TSEN15: variants seen among roughly 807,000 people sequenced by gnomAD.
TSEN15 encodes tRNA splicing endonuclease subunit 15, also known as tRNA-splicing endonuclease subunit Sen15.
TSEN15 carries 10 observed loss-of-function variants against 20.5 expected under a neutral mutation model. That is an observed-to-expected ratio of 0.49 (90% confidence interval 0.30 to 0.83). The LOEUF (loss-of-function observed/expected upper bound fraction) is 0.83. Ranked by LOEUF, TSEN15 falls within the 40% of genes least tolerant of loss-of-function variation. The pLI is 0.06. For synonymous variants in TSEN15, 72 were observed against 80.1 expected (o/e 0.90, Z 0.54); for missense variants, 180 against 218.6 (o/e 0.82, Z 1.11).
At chr1:184,093,153 G>A (rs1651389624) in intron 3 of TSEN15, among the ~76,000 whole-genome samples, 1 of 152,172 alleles carries the variant, frequency 6.6e-6, no homozygotes, top group Admixed American at 6.5e-5. Flanking sequence ...TTTTCTCAGA[G>A]TGGCAAGAGT....
downstream of TSEN15, among the ~76,000 whole-genome samples, chr1:184,078,552 C>CTA (rs1296439913): frequency 1.3e-5 from 2 of 152,056 alleles, no homozygotes; most frequent in African/African-American, 4.8e-5. Context: ...TCTGGAGTCT[C>CTA]TAATCAGTGT....
chr1:184,057,514 A>C (rs1650292102), intron 3 of TSEN15, among the ~76,000 whole-genome samples: 1 of 152,194 alleles, frequency 6.6e-6, no homozygotes, highest in African/African-American at 2.4e-5. Context: ...CCTGGGTTCT[A>C]GTCTTGGGAC....
chr1:184,080,510 C>T (rs1441453955), intron 3 of TSEN15, among the ~76,000 whole-genome samples: 1 of 152,042 alleles, frequency 6.6e-6, no homozygotes, highest in African/African-American at 2.4e-5. Flanking sequence ...ATTATTCAGT[C>T]CTGGAGGGAG....
chr1:184,070,213 C>G (rs1461849432), intron 3 of TSEN15, among the ~76,000 whole-genome samples: 5 of 151,768 alleles, frequency 3.3e-5, no homozygotes, highest in Non-Finnish European at 7.4e-5. Context: ...GCTACAATTC[C>G]CATATAGTTT....
At chr1:184,095,671 GTCTC>G in intron 3 of TSEN15, 1 of 391,358 alleles carries the variant, frequency 2.6e-6, no homozygotes, top group Non-Finnish European at 4.5e-6. Flanking sequence ...CTCTCTCTGT[GTCTC>G]TCTCTCTTTC....
chr1:184,093,661 C>T (rs1572724568), intron 3 of TSEN15: 1 of 152,116 alleles, frequency 6.6e-6, no homozygotes, highest in East Asian at 1.9e-4. Context: ...AAGATATTAA[C>T]AAAAAGCAGC....
At chr1:184,052,021 G>C in intron 1 of TSEN15, 131 bp downstream of exon 1, 1 of 1,005,698 alleles carries the variant, frequency 9.9e-7, no homozygotes, top group Non-Finnish European at 1.3e-6. Flanking sequence ...AGGGGGACCG[G>C]TGTGCACAAC....
chr1:184,072,327 A>C, intron 4 of TSEN15, 29 bp downstream of exon 4: 1 of 1,573,450 alleles, frequency 6.4e-7, no homozygotes, highest in South Asian at 1.2e-5. Context: ...GACAGCAAGA[A>C]GTACAAAAAG....
chr1:184,077,990 T>C (rs1029148669), downstream of TSEN15, among the ~76,000 whole-genome samples: 2 of 152,186 alleles, frequency 1.3e-5, no homozygotes, highest in Non-Finnish European at 2.9e-5. Context: ...TTTGAGAAGA[T>C]TGATTCCAAT....
At chr1:184,082,840 T>C (rs545408896) in intron 3 of TSEN15, among the ~76,000 whole-genome samples, 178 of 152,290 alleles carry the variant, frequency 1.2e-3, no homozygotes, top group African/African-American at 4.2e-3. Flanking sequence ...TTGCTCTTTT[T>C]GTTCTGTAGC....
rs1650183216 is a variant in TSEN15, at chr1:184,054,760, T to C, written c.250T>C (p.Leu84=). ...CTGGCATGAAGTAAACTGTGTAGGATTACCAGAACTCCAGCTCATCTGCCT... is the reference window on the plus strand; with the variant it reads ...CTGGCATGAAGTAAACTGTGTAGGACTACCAGAACTCCAGCTCATCTGCCT... The part of the protein sequence containing the change: ...KSWHEVNCVG[L]PELQLICLVG... The change falls in exon 3 of 5, where the codon TTA becomes CTA. Residue 84 remains leucine (L), a synonymous_variant. Coordinates refer to ENST00000645668, the MANE Select transcript of TSEN15 (RefSeq NM_052965.4). 4 of 1,612,238 alleles carry C rather than the reference T, an allele frequency of 2.5e-6. No homozygotes were observed. The highest frequency in any genetic ancestry group is 2.7e-5 in the African/African-American group (2 of 74,878).
chr1:184,058,935 G>T (rs1036564021), intron 3 of TSEN15, among the ~76,000 whole-genome samples: 12 of 151,816 alleles, frequency 7.9e-5, no homozygotes, highest in African/African-American at 2.9e-4. Flanking sequence ...TATGTGTCAG[G>T]CAATGATCTA....
chr1:184,086,651 A>G (rs554293602), intron 3 of TSEN15, among the ~76,000 whole-genome samples: 1 of 152,142 alleles, frequency 6.6e-6, no homozygotes, highest in East Asian at 1.9e-4. Flanking sequence ...CTTTCTTGCC[A>G]TGTGGATCTC....
Position 184,051,828 on chromosome 1 carries a change from G to T in TSEN15, c.73G>T (p.Gly25Cys). Residue 25 changes from glycine (G) to cysteine (C), a missense_variant, in exon 1 of 5, where the codon GGC becomes TGC. This residue lies in a region of TSEN15 where 76 missense variants were observed against 66.5 expected (regional missense o/e 1.14). Coordinates refer to ENST00000645668, the MANE Select transcript of TSEN15 (RefSeq NM_052965.4). ...GLGPGGVRGFGDGGGAPSWAP... is the reference protein window; with the variant it reads ...GLGPGGVRGFCDGGGAPSWAP... ...GGGTCCGGGCGGTGTTCGCGGCTTT[G>T]GCGACGGCGGTGGAGCTCCTTCGTG... The T allele has an allele frequency of 6.5e-7, 1 of 1,546,926 alleles. No individual in the cohort carries two copies. The highest frequency in any genetic ancestry group is 8.7e-7 in the Non-Finnish European group (1 of 1,146,234).
intron 1 of TSEN15, 142 bp downstream of exon 1, chr1:184,052,032 T>C: frequency 1.1e-6 from 1 of 898,870 alleles, no homozygotes; most frequent in African/African-American, 1.7e-5. Context: ...TGTGCACAAC[T>C]GCCAGCCTCA....
intron 4 of TSEN15, 24 bp downstream of exon 4, chr1:184,072,322 C>A: frequency 6.4e-7 from 1 of 1,570,986 alleles, no homozygotes; most frequent in Non-Finnish European, 8.6e-7. Context: ...TAACTGACAG[C>A]AAGAAGTACA....
intron 3 of TSEN15, among the ~76,000 whole-genome samples, chr1:184,060,798 A>G (rs1650425547): frequency 6.6e-6 from 1 of 152,212 alleles, no homozygotes; most frequent in African/African-American, 2.4e-5. Context: ...CCTCACAGCT[A>G]TTAGAGTTTC....
chr1:184,059,746 G>A (rs1650378716), intron 3 of TSEN15, among the ~76,000 whole-genome samples: 1 of 152,000 alleles, frequency 6.6e-6, no homozygotes, highest in African/African-American at 2.4e-5. Flanking sequence ...AATTTTTTGT[G>A]TTTTAGTAGA....
intron 2 of TSEN15, 57 bp from the exon 3 acceptor site, chr1:184,054,671 A>C (rs1650177838): frequency 6.4e-7 from 1 of 1,567,468 alleles, no homozygotes; most frequent in South Asian, 1.2e-5. Context: ...AGAAGTTTGG[A>C]GTTTTTATTT....
Sources: gnomAD v4.1 joint callset for allele counts (sites outside exome capture counted in the v4.1 genomes callset) on GRCh38, gnomAD v4.1.1 for gene constraint, gnomAD v4.1.1 regional missense constraint, MANE v1.5 for transcripts, NCBI Gene and HGNC (gene_info 2026-07-23, HGNC 2026-07-21) for gene names.